Variants in GPI observed in about 807,000 individuals in gnomAD.
GPI encodes the protein glucose-6-phosphate isomerase.
GPI carries 56 observed loss-of-function variants against 75.8 expected under a neutral mutation model. The observed-to-expected ratio is 0.74, with a 90% CI of 0.60 to 0.92. GPI has a LOEUF of 0.92. GPI is among the 40% of genes least tolerant of loss of function. The pLI is 0.00. For synonymous variants in GPI, 288 were observed against 285.4 expected (o/e 1.01, Z -0.09); for missense variants, 638 against 741.0 (o/e 0.86, Z 1.61).
intron 8 of GPI, 25 bp from the exon 9 acceptor site, chr19:34,381,441 T>A: frequency 6.5e-7 from 1 of 1,534,564 alleles, no homozygotes; most frequent in Non-Finnish European, 9.0e-7. Context: ...TTTGCATTTC[T>A]CTCCCTTTGT....
Position 34,366,405 on chromosome 19 carries a change from G to T in GPI, c.183G>T (p.Thr61=), listed in dbSNP as rs141473845. 6.2e-7 allele frequency: 1 copy of T among 1,613,358 alleles called. No homozygotes were observed. Among genetic ancestry groups the T allele is most frequent in the East Asian group, 2.2e-5 (1 of 44,876 alleles). ...TGGATTACTCCAAGAACCTGGTGAC[G>T]GAGGACGTGATGCGGATGCTGGTGG... ...ILVDYSKNLV[T]EDVMRMLVDL... is the part of the protein sequence containing the mutation. The change falls in exon 2 of 18, where the codon ACG becomes ACT. Residue 61 remains threonine, a synonymous_variant. Coordinates refer to ENST00000356487, the MANE Select transcript of GPI (RefSeq NM_000175.5).
chr19:34,393,072 C>A lies in GPI; in HGVS notation c.805-176C>A, dbSNP rs1260218814. ...GCTGTGGTCAGTCATCTGTAGTCTG[C>A]CCTGTTGGTCTTCCCATGTGTTGCC... On this transcript the variant is annotated intron_variant, in intron 9 of 17. Coordinates refer to ENST00000356487, the MANE Select transcript of GPI (RefSeq NM_000175.5). This position sits in a 1 kb window ranked among gnomAD's most constrained non-coding sequence, Gnocchi z 4.4. 9.0e-6 allele frequency: 6 copies of A among 667,992 alleles called. No individual in the cohort carries two copies. The East Asian group carries it at 1.4e-4, about 15-fold the overall frequency. The allele number at this position is 667,992 out of a possible 1,614,324, so 41.4% of individuals were successfully genotyped here. A position where few individuals can be genotyped will look rare whatever the true frequency, so the allele number is the denominator to read the frequency against.
At chr19:34,363,987 C>A (rs2074319191), upstream of GPI, among the ~76,000 whole-genome samples, 1 of 152,142 alleles carries the variant, frequency 6.6e-6, no homozygotes, top group Non-Finnish European at 1.5e-5. Context: ...CCCTCAGTGA[C>A]CACTTATTTC....
In GPI at chr19:34,390,981, C is replaced by T. The variant is rs569461007; in HGVS notation, c.805-2267C>T. 2.9e-4 allele frequency among the ~76,000 whole-genome samples: 31 copies of T among 107,638 alleles called. No individual in the cohort carries two copies. The East Asian group carries it at 9.6e-3, about 33-fold the overall frequency. 70.6% of individuals were successfully genotyped at this position (107,638 alleles called of 152,430 possible). A position where few individuals can be genotyped will look rare whatever the true frequency, so the allele number is the denominator to read the frequency against. On this transcript the variant is annotated intron_variant, in intron 9 of 17. Coordinates refer to ENST00000356487, the MANE Select transcript of GPI (RefSeq NM_000175.5). Reference sequence around the variant, plus strand: ...ACAGGTATGAGGATCTGGGTCTTCCCGTGTCTGAGTAGGTAGCACCTGGCA... The same window carrying T: ...ACAGGTATGAGGATCTGGGTCTTCCTGTGTCTGAGTAGGTAGCACCTGGCA...
chr19:34,366,218 G>T, intron 1 of GPI, 127 bp from the exon 2 acceptor site: 1 of 743,426 alleles, frequency 1.3e-6, no homozygotes, highest in South Asian at 1.4e-5. Context: ...CACTGTGCTG[G>T]GTGGCCGCGG....
rs372323348 is a variant in GPI at position 34,378,905 on chromosome 19, G to A, written c.634-29G>A. The A allele has an allele frequency of 9.2e-5, 146 of 1,591,582 alleles. No homozygotes were observed. In the African/African-American group the frequency reaches 1.7e-3, roughly 19 times the overall value. On this transcript the variant is annotated intron_variant, in intron 6 of 17. Coordinates refer to ENST00000356487, the MANE Select transcript of GPI (RefSeq NM_000175.5). ...GGCCTGCACCCACCCCTAAGCTCGG[G>A]CGCCCACTGCTGTTCTCTTTGGTTG...
chr19:34,365,136 G>C, upstream of GPI: 1 of 1,211,830 alleles, frequency 8.3e-7, no homozygotes, highest in Admixed American at 4.6e-5. Flanking sequence ...CAGGGGTGGG[G>C]CCGGGCCGGG....
At chr19:34,368,981 A>G (rs1369247776) in intron 4 of GPI, among the ~76,000 whole-genome samples, 2 of 152,120 alleles carry the variant, frequency 1.3e-5, no homozygotes, top group East Asian at 3.8e-4. Context: ...GACAAACCAC[A>G]GAGGCTTCAA....
At chr19:34,399,859 C>T (rs1382008234) in intron 17 of GPI, 42 bp from the exon 18 acceptor site, 1 of 1,613,628 alleles carries the variant, frequency 6.2e-7, no homozygotes, top group Admixed American at 1.7e-5. Context: ...AACGTTAGAG[C>T]CTTCCTCATA....
Position 34,393,867 on chromosome 19 carries a change from C to G in GPI, c.910-47C>G. ...TCTCCCCCACTGTCCTGTCCCTCCCCTCCCCGTGCAGCTGCTCAGCTCCCA... is the reference window on the plus strand; with the variant it reads ...TCTCCCCCACTGTCCTGTCCCTCCCGTCCCCGTGCAGCTGCTCAGCTCCCA... On this transcript the variant is annotated intron_variant, in intron 11 of 17. Transcript: ENST00000356487. This position sits in a 1 kb window ranked among gnomAD's most constrained non-coding sequence, Gnocchi z 4.4. 1 of 1,610,422 alleles carries G rather than the reference C, an allele frequency of 6.2e-7. No individual in the cohort carries two copies. The highest frequency in any genetic ancestry group is 8.5e-7 in the Non-Finnish European group (1 of 1,177,468).
At chr19:34,392,817 A>G (rs1359617942) in intron 9 of GPI, 2 of 223,992 alleles carry the variant, frequency 8.9e-6, no homozygotes, top group Non-Finnish European at 1.7e-5. Context: ...GAGTATGAGG[A>G]TCTGGGTGTG....
At chr19:34,395,710 G>T (rs1790080774) in intron 12 of GPI, among the ~76,000 whole-genome samples, 1 of 152,146 alleles carries the variant, frequency 6.6e-6, no homozygotes, top group Non-Finnish European at 1.5e-5. Flanking sequence ...AGGAAAGGTT[G>T]GGAGGCTGTG....
At chr19:34,384,785 A>G (rs1167434479) in intron 9 of GPI, among the ~76,000 whole-genome samples, 2 of 152,164 alleles carry the variant, frequency 1.3e-5, no homozygotes, top group Non-Finnish European at 2.9e-5. Context: ...GCTCACACCT[A>G]TAATCCCAGC....
upstream of GPI, chr19:34,364,916 G>A (rs549433538): frequency 2.4e-4 from 348 of 1,469,542 alleles, 1 homozygote; most frequent in African/African-American, 4.6e-3. Flanking sequence ...CGCGATGGTA[G>A]CTCTCTGCAG....
In GPI at chr19:34,393,138, C is replaced by T. The variant is rs944377283; in HGVS notation, c.805-110C>T. ...CCTTGCTTCCTGGAGGTGGGTTGGG[C>T]CAGGGCCCTCCGAGACGCCCCTGTG... On this transcript the variant is annotated intron_variant, in intron 9 of 17. Coordinates refer to ENST00000356487, the MANE Select transcript of GPI (RefSeq NM_000175.5). The surrounding 1 kb of genome is among the most constrained non-coding windows in gnomAD (Gnocchi z 4.4). The T allele has an allele frequency of 6.9e-6, 6 of 874,150 alleles. No homozygotes were observed. The African/African-American group carries it at 9.8e-5, about 14-fold the overall frequency. 54.1% of individuals were successfully genotyped at this position (874,150 alleles called of 1,614,324 possible).
chr19:34,368,295 T>G (rs938239663), intron 3 of GPI, among the ~76,000 whole-genome samples: 1 of 152,246 alleles, frequency 6.6e-6, no homozygotes, highest in African/African-American at 2.4e-5. Flanking sequence ...TCCTCTTTTC[T>G]CTCACTGTTC....
chr19:34,393,861 C>G lies in GPI; in HGVS notation c.910-53C>G. On this transcript the variant is annotated intron_variant, in intron 11 of 17. Transcript: ENST00000356487. The surrounding 1 kb of genome is among the most constrained non-coding windows in gnomAD (Gnocchi z 4.4). ...CCGCTTTCTCCCCCACTGTCCTGTCCCTCCCCTCCCCGTGCAGCTGCTCAG... is the reference window on the plus strand; with the variant it reads ...CCGCTTTCTCCCCCACTGTCCTGTCGCTCCCCTCCCCGTGCAGCTGCTCAG... The G allele has an allele frequency of 6.2e-7, 1 of 1,607,730 alleles. No individual in the cohort carries two copies. Among genetic ancestry groups the G allele is most frequent in the South Asian group, 1.1e-5 (1 of 90,974 alleles).
At chr19:34,360,925 C>T (rs1350348649), upstream of GPI, among the ~76,000 whole-genome samples, 1 of 151,932 alleles carries the variant, frequency 6.6e-6, no homozygotes, top group Non-Finnish European at 1.5e-5. Context: ...TTACAGGTGT[C>T]CGCCACCACG....
At chr19:34,377,361 T>G (rs1350067703) in intron 4 of GPI, 142 bp from the exon 5 acceptor site, 4 of 255,516 alleles carry the variant, frequency 1.6e-5, no homozygotes, top group African/African-American at 1.2e-4. Flanking sequence ...ATATATATGG[T>G]AAATTAAAAA....
Sources: gnomAD v4.1 joint callset for allele counts (sites outside exome capture counted in the v4.1 genomes callset) on GRCh38, gnomAD v4.1.1 for gene constraint, Gnocchi (gnomAD v3.1) non-coding constraint, MANE v1.5 for transcripts, NCBI Gene and HGNC (gene_info 2026-07-23, HGNC 2026-07-21) for gene names.